ZW10: variants seen among roughly 807,000 people sequenced by gnomAD.
The protein encoded by ZW10 is zw10 kinetochore protein.
A neutral mutation model predicts 87.8 loss-of-function variants in ZW10; 53 were observed. The ratio of observed to expected loss-of-function variants is 0.60; its 90% confidence interval spans 0.48 to 0.76. ZW10 has a LOEUF of 0.76. ZW10 is among the 30% of genes least tolerant of loss of function. ZW10 has a pLI of 0.00. For synonymous variants in ZW10, 312 were observed against 329.2 expected (o/e 0.95, Z 0.57); for missense variants, 837 against 923.0 (o/e 0.91, Z 1.21).
rs1275278026 is a variant in ZW10 at position 113,739,325 on chromosome 11, G to A, written c.1641C>T (p.Tyr547=). Residue 547 remains tyrosine, a synonymous_variant, in exon 12 of 16, where the codon TAC becomes TAT. Coordinates refer to ENST00000200135, the MANE Select transcript of ZW10 (RefSeq NM_004724.4). ...LAAIHHNNCM[Y]IAHHLLTLGH... ...CGAGGGTCAGCAAGTGGTGAGCAAT[G>A]TACATACAGTTGTTGTGATGAATAG... 10 of 1,612,076 alleles carry A rather than the reference G, an allele frequency of 6.2e-6. No individual in the cohort carries two copies. Among genetic ancestry groups the A allele is most frequent in the Non-Finnish European group, 7.6e-6 (9 of 1,179,208 alleles).
chr11:113,747,460 T>C, intron 9 of ZW10, 71 bp downstream of exon 9: 1 of 1,344,538 alleles, frequency 7.4e-7, no homozygotes, highest in Non-Finnish European at 1.0e-6. Context: ...TCCACTTTAC[T>C]ATATGCATCT....
At chr11:113,748,766 CACTT>C (rs1306653538) in intron 7 of ZW10, among the ~76,000 whole-genome samples, 1 of 152,160 alleles carries the variant, frequency 6.6e-6, no homozygotes, top group Non-Finnish European at 1.5e-5. Flanking sequence ...AATAAAATCT[CACTT>C]ATTTAATAAT....
At chr11:113,747,050 G>A (rs896295569) in intron 9 of ZW10, among the ~76,000 whole-genome samples, 3 of 151,598 alleles carry the variant, frequency 2.0e-5, no homozygotes, top group African/African-American at 7.3e-5. Context: ...AAAGGTCAAA[G>A]GTCCACTGCC....
intron 7 of ZW10, among the ~76,000 whole-genome samples, chr11:113,750,367 G>A (rs1028535382): frequency 2.0e-5 from 3 of 151,466 alleles, no homozygotes; most frequent in African/African-American, 7.3e-5. Context: ...GCAATGGCGC[G>A]ATCTTGGCTC....
chr11:113,769,788 T>G, intron 1 of ZW10: 1 of 424,052 alleles, frequency 2.4e-6, no homozygotes, highest in Non-Finnish European at 4.6e-6. Flanking sequence ...CCATACCAAC[T>G]AAGCTGACTT....
chr11:113,767,815 C>T (rs1312544182), intron 2 of ZW10, among the ~76,000 whole-genome samples: 1 of 152,130 alleles, frequency 6.6e-6, no homozygotes, highest in African/African-American at 2.4e-5. Context: ...ACCAAAATCC[C>T]ACATTTGTCT....
intron 13 of ZW10, 129 bp from the exon 14 acceptor site, chr11:113,737,832 G>A: frequency 9.7e-7 from 1 of 1,033,928 alleles, no homozygotes; most frequent in African/African-American, 1.6e-5. Flanking sequence ...AGTAACTAAG[G>A]ACATATGCTT....
intron 7 of ZW10, among the ~76,000 whole-genome samples, chr11:113,749,324 A>G (rs2134878133): frequency 6.6e-6 from 1 of 152,370 alleles, no homozygotes; most frequent in East Asian, 1.9e-4. Context: ...CTAAACACTT[A>G]AAATGTGGCT....
rs61749021 is a variant in ZW10, at chr11:113,733,781, C to T, written c.2253G>A (p.Ala751=). ...WADGKGPLAA[A]FSSSEVKALI... Reference sequence around the variant, plus strand: ...AAGCTTTTACTTCACTGGAAGAGAACGCAGCTGCCAGGGGTCCTTTTCCAT... The same window carrying T: ...AAGCTTTTACTTCACTGGAAGAGAATGCAGCTGCCAGGGGTCCTTTTCCAT... Residue 751 remains alanine (A), a synonymous_variant, in exon 16 of 16, where the codon GCG becomes GCA. Coordinates refer to ENST00000200135, the MANE Select transcript of ZW10 (RefSeq NM_004724.4). 4.6e-3 allele frequency: 7,414 copies of T among 1,612,256 alleles called. 27 individuals are homozygous for T. Among genetic ancestry groups the T allele is most frequent in the Admixed American group, 8.7e-3 (521 of 59,858 alleles).
At chr11:113,738,525 T>A in intron 12 of ZW10, 131 bp from the exon 13 acceptor site, 1 of 836,130 alleles carries the variant, frequency 1.2e-6, no homozygotes, top group Non-Finnish European at 1.7e-6. Context: ...GATAATATCA[T>A]AAAGCTGCCC....
intron 2 of ZW10, among the ~76,000 whole-genome samples, chr11:113,767,553 G>A (rs966986341): frequency 1.3e-5 from 2 of 150,932 alleles, no homozygotes; most frequent in Admixed American, 6.6e-5. Flanking sequence ...TTTTTTCCTC[G>A]ATTATTTTAA....
At chr11:113,765,944 A>G (rs575436018) in intron 2 of ZW10, among the ~76,000 whole-genome samples, 1 of 152,310 alleles carries the variant, frequency 6.6e-6, no homozygotes, top group South Asian at 2.1e-4. Flanking sequence ...TATTAATATA[A>G]AGCAATCTAC....
At chr11:113,736,915 TG>T in intron 14 of ZW10, 93 bp from the exon 15 acceptor site, 1 of 1,185,110 alleles carries the variant, frequency 8.4e-7, no homozygotes, top group Non-Finnish European at 1.2e-6. Flanking sequence ...GCTGTCCAGG[TG>T]GGTCAGCTAC....
chr11:113,734,791 T>A (rs927156309), intron 15 of ZW10, among the ~76,000 whole-genome samples: 8 of 140,348 alleles, frequency 5.7e-5, no homozygotes, highest in Admixed American at 7.5e-5. Context: ...GGCGACAGAG[T>A]GAGACTCTGT....
chr11:113,740,446 T>C (rs978830896), intron 11 of ZW10, among the ~76,000 whole-genome samples: 5 of 151,966 alleles, frequency 3.3e-5, no homozygotes, highest in African/African-American at 9.7e-5. Context: ...TAGACAGGTG[T>C]GGTGGTGTGT....
intron 1 of ZW10, chr11:113,769,575 C>T (rs1953942466): frequency 4.9e-6 from 1 of 202,788 alleles, no homozygotes; most frequent in Middle Eastern, 5.7e-4. Context: ...TATTTAATAC[C>T]TTGAAAGATA....
In ZW10 at chr11:113,733,732, T is replaced by C. The variant is rs781093655; in HGVS notation, c.2302A>G (p.Thr768Ala). ...GCAAGGGCAGCTGCTCTTCTTTCTGTGTTCTGAAACAAGGCACGAATTAAA... is the reference window on the plus strand; with the variant it reads ...GCAAGGGCAGCTGCTCTTCTTTCTGCGTTCTGAAACAAGGCACGAATTAAA... ...KALIRALFQN[T>A]ERRAAALAKI... Residue 768 changes from threonine to alanine, a missense_variant, in exon 16 of 16, where the codon ACA becomes GCA. By Grantham distance (58) the Thr-to-Ala change is moderately conservative (BLOSUM62 0). Transcript: ENST00000200135. The C allele has an allele frequency of 6.2e-7, 1 of 1,614,130 alleles. No individual in the cohort carries two copies. Among genetic ancestry groups the C allele is most frequent in the Admixed American group, 1.7e-5 (1 of 60,018 alleles).
chr11:113,759,722 A>C (rs1234305913), intron 5 of ZW10, among the ~76,000 whole-genome samples: 2 of 152,180 alleles, frequency 1.3e-5, no homozygotes, highest in Non-Finnish European at 2.9e-5. Context: ...ATTTTCCCCA[A>C]GGACTGGAAA....
rs376068099 is a variant in ZW10 at position 113,763,992 on chromosome 11, G to T, written c.241-3074C>A. ...TTCTTCTAGGGTTTTTATGGTTTTG[G>T]ATTTTACATTTAAGTCCTTAAGCCA... On this transcript the variant is annotated intron_variant, in intron 2 of 15. Transcript: ENST00000200135. Among the ~76,000 whole-genome samples, 6 of 152,148 alleles carry T rather than the reference G, an allele frequency of 3.9e-5. No homozygotes were observed. In the East Asian group the frequency reaches 5.8e-4, roughly 15 times the overall value.
Sources: gnomAD v4.1 joint callset for allele counts (sites outside exome capture counted in the v4.1 genomes callset) on GRCh38, gnomAD v4.1.1 for gene constraint, MANE v1.5 for transcripts, NCBI Gene and HGNC (gene_info 2026-07-23, HGNC 2026-07-21) for gene names.